USP45: variants seen among roughly 807,000 people sequenced by gnomAD.
USP45 encodes ubiquitin specific peptidase 45, also known as ubiquitin carboxyl-terminal hydrolase 45.
In USP45, 89 loss-of-function variants were observed where a neutral mutation model predicts 95.8. That is an observed-to-expected ratio of 0.93 (90% CI 0.78 to 1.11). The LOEUF is 1.11. Among genes scored for constraint, USP45 ranks in the 50% least tolerant of loss-of-function variants. USP45 has a pLI of 0.00. For synonymous variants in USP45, 281 were observed against 316.2 expected (o/e 0.89, Z 1.18); for missense variants, 898 against 942.5 (o/e 0.95, Z 0.62).
intron 13 of USP45, among the ~76,000 whole-genome samples, chr6:99,457,926 A>G (rs1477801572): frequency 6.6e-6 from 1 of 152,166 alleles, no homozygotes; most frequent in African/African-American, 2.4e-5. Flanking sequence ...GTGAAATATA[A>G]AAGTACCCCT....
In USP45 at chr6:99,434,925, T is replaced by G. The variant is rs1301807636; in HGVS notation, c.*791A>C. Reference sequence around the variant, plus strand: ...TCCACCATGAAGAGGGTGCAAGAGATATGTTTATGAAATGCCTCAATATAA... The same window carrying G: ...TCCACCATGAAGAGGGTGCAAGAGAGATGTTTATGAAATGCCTCAATATAA... On this transcript the variant is annotated 3_prime_UTR_variant, in exon 18 of 18. Coordinates refer to ENST00000500704, the MANE Select transcript of USP45 (RefSeq NM_001346022.3). 1 of 152,232 alleles carries G rather than the reference T, an allele frequency of 6.6e-6. No individual in the cohort carries two copies. The highest frequency in any genetic ancestry group is 1.5e-5 in the Non-Finnish European group (1 of 68,020). 9.4% of individuals were successfully genotyped at this position (152,232 alleles called of 1,614,324 possible).
chr6:99,462,518 T>C (rs1786716054), intron 13 of USP45: 2 of 985,358 alleles, frequency 2.0e-6, no homozygotes, highest in African/African-American at 1.7e-5. Flanking sequence ...CTTTAACCTT[T>C]TCAAACTCTG....
intron 13 of USP45, among the ~76,000 whole-genome samples, chr6:99,463,051 T>G (rs916631838): frequency 2.0e-5 from 3 of 152,132 alleles, no homozygotes; most frequent in African/African-American, 7.2e-5. Context: ...TTAATACAAA[T>G]CATTTCATAT....
rs763961840 is a variant in USP45, at chr6:99,439,818, T to C, written c.2111A>G (p.Asp704Gly). ...TGCTAAATCGAGCATAAGTGGAAAA[T>C]CTACATGTCTGTTTACTTTACGAAG... is the stretch of plus-strand genomic sequence containing the variant. ...LSLRKVNRHVDFPLMLDLAPF... is the reference protein window; with the variant it reads ...LSLRKVNRHVGFPLMLDLAPF... The change falls in exon 16 of 18, where the codon GAT (aspartate) becomes GGT (glycine). Residue 704 changes from aspartate (D) to glycine (G), a missense_variant. Asp to Gly is a moderately conservative substitution (Grantham distance 94). Transcript: ENST00000500704. 1.9e-6 allele frequency: 3 copies of C among 1,607,886 alleles called. No homozygotes were observed. The highest frequency in any genetic ancestry group is 2.7e-5 in the African/African-American group (2 of 74,790).
rs563122449 is a variant in USP45 at position 99,500,193 on chromosome 6, C to T, written c.478+3572G>A. Among the ~76,000 whole-genome samples, 15 of 151,630 alleles carry T rather than the reference C, an allele frequency of 9.9e-5. No homozygotes were observed. The South Asian group carries it at 2.7e-3, about 28-fold the overall frequency. ...AGGCTGGCATGCAGTGGTGTGATCT[C>T]GGCTTACTGCAGCCTCCGCCTCCCG... On this transcript the variant is annotated intron_variant, in intron 5 of 17. Coordinates refer to ENST00000500704, the MANE Select transcript of USP45 (RefSeq NM_001346022.3).
In USP45 at chr6:99,444,725, C is replaced by G. The variant is rs531763311; in HGVS notation, c.1976-1063G>C. On this transcript the variant is annotated intron_variant, in intron 14 of 17. Coordinates refer to ENST00000500704, the MANE Select transcript of USP45 (RefSeq NM_001346022.3). ...CTAAGCCTGCTTAGCCTGCCTTACC[C>G]ATTTCTTCCTTTAGAAATCACACTA... Among the ~76,000 whole-genome samples the G allele has an allele frequency of 1.2e-3, 187 of 152,308 alleles. 2 individuals are homozygous for G. The highest frequency in any genetic ancestry group is 5.1e-4 in the Non-Finnish European group (35 of 68,026).
intron 17 of USP45, 94 bp from the exon 18 acceptor site, chr6:99,435,940 TC>T: frequency 7.8e-7 from 1 of 1,276,440 alleles, no homozygotes; most frequent in Non-Finnish European, 1.0e-6. Flanking sequence ...ACAAACTCTA[TC>T]TAATGCCAAA....
intron 7 of USP45, among the ~76,000 whole-genome samples, chr6:99,484,788 CCAA>C (rs1793443813): frequency 7.0e-6 from 1 of 142,980 alleles, no homozygotes. Flanking sequence ...GAGACTGTCT[CCAA>C]AAAAAAAAAA....
upstream of USP45, among the ~76,000 whole-genome samples, chr6:99,516,957 T>TTTTTC (rs1801154669): frequency 6.6e-6 from 1 of 152,176 alleles, no homozygotes; most frequent in Non-Finnish European, 1.5e-5. Context: ...AAATTAGAAA[T>TTTTTC]TATCAAATAC....
chr6:99,487,244 C>A (rs937425582), intron 7 of USP45, among the ~76,000 whole-genome samples: 1 of 152,120 alleles, frequency 6.6e-6, no homozygotes, highest in Admixed American at 6.5e-5. Flanking sequence ...CTCATTTTGG[C>A]TGAAGGAGGG....
intron 5 of USP45, 77 bp from the exon 6 acceptor site, chr6:99,488,897 T>C (rs927634796): frequency 4.5e-6 from 5 of 1,111,124 alleles, no homozygotes; most frequent in Non-Finnish European, 6.0e-6. Context: ...TATACATTAT[T>C]TAAAATTAAA....
chr6:99,446,375 T>C lies in USP45; in HGVS notation c.1397A>G (p.Asn466Ser), dbSNP rs1374333773. The C allele has an allele frequency of 6.2e-7, 1 of 1,614,194 alleles. No homozygotes were observed. Among genetic ancestry groups the C allele is most frequent in the Non-Finnish European group, 8.5e-7 (1 of 1,180,040 alleles). ...TYQKNENLEM[N>S]GDSLMFASLM... ...GCTGGCAAACATTAAAGAATCCCCA[T>C]TCATTTCAAGGTTTTCATTTTTCTG... The change falls in exon 14 of 18, where the codon AAT becomes AGT. Residue 466 changes from asparagine (N) to serine (S), a missense_variant. By Grantham distance (46) the Asn-to-Ser change is conservative (BLOSUM62 1). Coordinates refer to ENST00000500704, the MANE Select transcript of USP45 (RefSeq NM_001346022.3).
At chr6:99,492,844 A>G (rs944785295) in intron 5 of USP45, among the ~76,000 whole-genome samples, 14 of 152,210 alleles carry the variant, frequency 9.2e-5, no homozygotes, top group Non-Finnish European at 1.5e-4. Context: ...TAAAAGTGTA[A>G]GTCTTAAATT....
intron 1 of USP45, among the ~76,000 whole-genome samples, chr6:99,511,175 T>C (rs1799690403): frequency 7.9e-6 from 1 of 127,048 alleles, no homozygotes; most frequent in Non-Finnish European, 1.7e-5. Context: ...CACATTTATA[T>C]TATTATTACT....
intron 9 of USP45, among the ~76,000 whole-genome samples, chr6:99,474,348 C>A (rs756670206): frequency 4.6e-5 from 7 of 152,138 alleles, no homozygotes; most frequent in Admixed American, 3.3e-4. Flanking sequence ...CAGGTGTGCA[C>A]CACCACGCCT....
At chr6:99,486,805 C>T (rs1794001481) in intron 7 of USP45, among the ~76,000 whole-genome samples, 1 of 151,898 alleles carries the variant, frequency 6.6e-6, no homozygotes, top group Non-Finnish European at 1.5e-5. Flanking sequence ...AGATCATGAG[C>T]TATACATATA....
intron 5 of USP45, among the ~76,000 whole-genome samples, chr6:99,493,876 G>A (rs957431410): frequency 4.6e-5 from 7 of 152,140 alleles, no homozygotes; most frequent in Admixed American, 4.6e-4. Flanking sequence ...AGATAACAAA[G>A]CATTTTTCAA....
chr6:99,480,129 T>G (rs557986243), intron 8 of USP45, among the ~76,000 whole-genome samples: 1 of 152,312 alleles, frequency 6.6e-6, no homozygotes, highest in Non-Finnish European at 1.5e-5. Context: ...GAAATTGAAT[T>G]CTTTAAAAAG....
chr6:99,494,903 A>C (rs1258440220), intron 5 of USP45, among the ~76,000 whole-genome samples: 1 of 152,106 alleles, frequency 6.6e-6, no homozygotes, highest in Non-Finnish European at 1.5e-5. Flanking sequence ...AAAAACAAAC[A>C]AAAAAACTGA....
Sources: allele counts gnomAD v4.1 joint callset (sites outside exome capture counted in the v4.1 genomes callset), GRCh38; gene constraint gnomAD v4.1.1; transcripts MANE v1.5; gene names NCBI Gene and HGNC (gene_info 2026-07-23, HGNC 2026-07-21).